GATD1: variants seen among roughly 807,000 people sequenced by gnomAD.
GATD1 encodes glutamine amidotransferase class 1 domain containing 1, also known as glutamine amidotransferase-like class 1 domain-containing protein 1.
A neutral mutation model predicts 25.9 loss-of-function variants in GATD1; 23 were observed. The observed-to-expected ratio is 0.89, with a 90% CI of 0.64 to 1.26. GATD1 has a LOEUF of 1.26. GATD1 is among the 50% of genes most tolerant of loss of function. The pLI is 0.00. For missense variants in GATD1, 347 were observed against 312.5 expected (o/e 1.11, Z -0.83); for synonymous variants, 177 against 134.6 (o/e 1.31, Z -2.18).
In GATD1 at chr11:769,387, C is replaced by G. The variant is rs1374540063; in HGVS notation, c.*1510G>C. 1 of 745,042 alleles carries G rather than the reference C, an allele frequency of 1.3e-6. No individual in the cohort carries two copies. The highest frequency in any genetic ancestry group is 6.3e-5 in the Admixed American group (1 of 15,972). The allele number at this position is 745,042 out of a possible 1,614,324, so 46.2% of individuals were successfully genotyped here. A position where few individuals can be genotyped will look rare whatever the true frequency, so the allele number is the denominator to read the frequency against. ...CCAGGTTGGAGTGCAATGGCGCAATCTTGGCTCACTGCAACTTCCGCCTCC... is the reference window on the plus strand; with the variant it reads ...CCAGGTTGGAGTGCAATGGCGCAATGTTGGCTCACTGCAACTTCCGCCTCC... On this transcript the variant is annotated 3_prime_UTR_variant, in exon 8 of 8. Transcript: ENST00000319863.
Position 771,360 on chromosome 11 carries a change from C to T in GATD1, c.517G>A (p.Val173Met), listed in dbSNP as rs753787894. ...CTGAAGCAGGCGCCCGAATCCTTCA[C>T]GAAGTCCTCCACCACGAGCGGCAGG... is the stretch of plus-strand genomic sequence containing the variant. ...ARLPLVVEDF[V>M]KDSGACFSAS... The change falls in exon 6 of 8, where the codon GTG (valine) becomes ATG (methionine). Residue 173 changes from valine (V) to methionine (M), a missense_variant. Coordinates refer to ENST00000319863, the MANE Select transcript of GATD1 (RefSeq NM_182612.4). The T allele has an allele frequency of 3.5e-5, 56 of 1,595,324 alleles. No homozygotes were observed. Among genetic ancestry groups the T allele is most frequent in the Admixed American group, 3.5e-5 (2 of 57,480 alleles).
In GATD1 at chr11:769,101, C is replaced by CAAAA. The variant is rs1024851610; in HGVS notation, c.*1792_*1795dup. 4.2e-5 allele frequency: 20 copies of CAAAA among 481,658 alleles called. No homozygotes were observed. The highest frequency in any genetic ancestry group is 8.2e-4 in the Middle Eastern group (1 of 1,222). 29.8% of individuals were successfully genotyped at this position (481,658 alleles called of 1,614,324 possible). A position where few individuals can be genotyped will look rare whatever the true frequency, so the allele number is the denominator to read the frequency against. On this transcript the variant is annotated 3_prime_UTR_variant, in exon 8 of 8. Transcript: ENST00000319863. Reference sequence around the variant, plus strand: ...GGGTGACGAGAGACAAACTCCATCTCAAAAAATAAATAAAATAAAAAGCAT... The same window carrying CAAAA: ...GGGTGACGAGAGACAAACTCCATCTCAAAAAAAAAATAAATAAAATAAAAAGCAT...
rs1429188265 is a variant in GATD1, at chr11:768,683, T to C, written c.*2214A>G. ...TAAAATAAAAATAAAAAAGTACTTG[T>C]TAGCCGGACGTGGCGGCTCACGCCT... is the stretch of plus-strand genomic sequence containing the variant. On this transcript the variant is annotated 3_prime_UTR_variant, in exon 8 of 8. Coordinates refer to ENST00000319863, the MANE Select transcript of GATD1 (RefSeq NM_182612.4). The C allele has an allele frequency of 1.3e-5, 2 of 151,988 alleles. No individual in the cohort carries two copies. The highest frequency in any genetic ancestry group is 2.4e-5 in the African/African-American group (1 of 41,368). The allele number at this position is 151,988 out of a possible 1,614,324, so 9.4% of individuals were successfully genotyped here. A position where few individuals can be genotyped will look rare whatever the true frequency, so the allele number is the denominator to read the frequency against.
At chr11:770,950 C>T (rs1425943155) in intron 7 of GATD1, 43 bp downstream of exon 7, 2 of 1,613,326 alleles carry the variant, frequency 1.2e-6, no homozygotes, top group South Asian at 1.1e-5. Context: ...GCACCGGGTG[C>T]AGCTCTGATG....
At position 770,921 on chromosome 11, in the gene GATD1, G is replaced by A; in HGVS notation, c.657-18C>T. On this transcript the variant is annotated intron_variant, in intron 7 of 7. Transcript: ENST00000319863. ...TTCATTTCCTGCAGGACAGACGTGTGGTCAAAGCTTGGGCAAAAGCACCGG... is the reference window on the plus strand; with the variant it reads ...TTCATTTCCTGCAGGACAGACGTGTAGTCAAAGCTTGGGCAAAAGCACCGG... 6.2e-7 allele frequency: 1 copy of A among 1,612,266 alleles called. No individual in the cohort carries two copies. The highest frequency in any genetic ancestry group is 8.5e-7 in the Non-Finnish European group (1 of 1,178,868).
At chr11:771,581 G>T in intron 5 of GATD1, 155 bp from the exon 6 acceptor site, 3 of 1,399,728 alleles carry the variant, frequency 2.1e-6, no homozygotes, top group Non-Finnish European at 2.8e-6. Flanking sequence ...AGGCTGGAGG[G>T]CGGAGAGATG....
Position 771,022 on chromosome 11 carries a change from C to T in GATD1, c.627G>A (p.Val209=), listed in dbSNP as rs947973208. 6.2e-7 allele frequency: 1 copy of T among 1,613,222 alleles called. No individual in the cohort carries two copies. Among genetic ancestry groups the T allele is most frequent in the Non-Finnish European group, 8.5e-7 (1 of 1,179,960 alleles). ...GQNASSTVPA[V]QNLLFLCGSR... ...TGCCACAGAGGAAGAGCAGGTTCTG[C>T]ACGGCCGGGACAGTGGAGCTGGCAT... is the stretch of plus-strand genomic sequence containing the variant. The change falls in exon 7 of 8, where the codon GTG becomes GTA. Residue 209 remains valine (V), a synonymous_variant. Transcript: ENST00000319863.
Position 772,430 on chromosome 11 carries a change from T to A in GATD1, c.447A>T (p.Thr149=), listed in dbSNP as rs752157902. ...RSWVFDSYSL[T]GPSVCELVRA... ...GCCTCGGCCTCCAGACACTCACCCC[T>A]GTCAGGCTGTAGCTGTCGAACACCC... The change falls in exon 5 of 8, where the codon ACA becomes ACT. Residue 149 remains threonine, a synonymous_variant. Transcript: ENST00000319863. The A allele has an allele frequency of 1.9e-6, 3 of 1,612,848 alleles. No homozygotes were observed. The highest frequency in any genetic ancestry group is 3.3e-5 in the Admixed American group (2 of 60,000).
Position 777,392 on chromosome 11 carries a change from G to A in GATD1, c.64+7C>T. 2.3e-6 allele frequency: 3 copies of A among 1,297,878 alleles called. No individual in the cohort carries two copies. The highest frequency in any genetic ancestry group is 3.6e-5 in the Admixed American group (1 of 27,524). 80.4% of individuals were successfully genotyped at this position (1,297,878 alleles called of 1,614,324 possible). A position where few individuals can be genotyped will look rare whatever the true frequency, so the allele number is the denominator to read the frequency against. ...TTCGGACACTGGCCCCGGCCGCCGG[G>A]CCTCACCTTCGGCGGCGCCGCTGGC... On this transcript the variant is annotated splice_region_variant and intron_variant, in intron 1 of 7. Transcript: ENST00000319863.
Position 771,099 on chromosome 11 carries a change from C to G in GATD1, c.550G>C (p.Glu184Gln), listed in dbSNP as rs200809093. ...AGCACGACGTGGACAGCGTCAGGCT[C>G]GCTTGCTGGGGAGGACCGAGGGCAC... ...KDSGACFSAS[E>Q]PDAVHVVLDR... Residue 184 changes from glutamate to glutamine, a missense_variant, in exon 7 of 8, where the codon GAG (glutamate) becomes CAG (glutamine). Physicochemically the swap from Glu to Gln is conservative, Grantham distance 29. Coordinates refer to ENST00000319863, the MANE Select transcript of GATD1 (RefSeq NM_182612.4). 1.3e-6 allele frequency: 2 copies of G among 1,597,878 alleles called. No homozygotes were observed. The highest frequency in any genetic ancestry group is 1.7e-6 in the Non-Finnish European group (2 of 1,174,262).
In GATD1 at chr11:769,928, T is replaced by G; in HGVS notation, c.*969A>C. The G allele has an allele frequency of 1.0e-6, 1 of 995,182 alleles. No individual in the cohort carries two copies. The highest frequency in any genetic ancestry group is 1.0e-4 in the East Asian group (1 of 9,542). The allele number at this position is 995,182 out of a possible 1,614,324, so 61.6% of individuals were successfully genotyped here. A position where few individuals can be genotyped will look rare whatever the true frequency, so the allele number is the denominator to read the frequency against. The stretch of plus-strand genomic sequence containing the variant: ...ACTGCGCCCGGCCCAACTGAACGGT[T>G]TTATAATCACAAGGGGCCTCCTGGC... On this transcript the variant is annotated 3_prime_UTR_variant, in exon 8 of 8. Coordinates refer to ENST00000319863, the MANE Select transcript of GATD1 (RefSeq NM_182612.4).
At chr11:775,221 G>A (rs1863844966) in intron 1 of GATD1, 79 bp from the exon 2 acceptor site, 1 of 1,204,980 alleles carries the variant, frequency 8.3e-7, no homozygotes. Context: ...CACCCCCATG[G>A]CCTCGACTGA....
At chr11:776,146 C>A (rs2133653656) in intron 1 of GATD1, among the ~76,000 whole-genome samples, 1 of 151,994 alleles carries the variant, frequency 6.6e-6, no homozygotes, top group East Asian at 1.9e-4. Context: ...CCACGCCCAG[C>A]TAATTTTTGT....
rs750609502 is a variant in GATD1 at position 772,439 on chromosome 11, G to A, written c.438C>T (p.Tyr146=). ...TCCAGACACTCACCCCTGTCAGGCT[G>A]TAGCTGTCGAACACCCAGGATCTGT... is the stretch of plus-strand genomic sequence containing the variant. The part of the protein sequence containing the change: ...NEDRSWVFDS[Y]SLTGPSVCEL... The change falls in exon 5 of 8, where the codon TAC becomes TAT. Residue 146 remains tyrosine, a synonymous_variant. Coordinates refer to ENST00000319863, the MANE Select transcript of GATD1 (RefSeq NM_182612.4). The A allele has an allele frequency of 8.1e-6, 13 of 1,613,408 alleles. No individual in the cohort carries two copies. The South Asian group carries it at 8.8e-5, about 11-fold the overall frequency.
rs1863103944 is a variant in GATD1 at position 767,299 on chromosome 11, C to T, written c.*3598G>A. The T allele has an allele frequency of 3.3e-6, 5 of 1,536,222 alleles. No individual in the cohort carries two copies. The highest frequency in any genetic ancestry group is 8.7e-7 in the Non-Finnish European group (1 of 1,146,936). ...GTATATGGGGAAATCCTCACCCGCCCTCCGCTGCTCTTCTGGAGGTCTGTC... is the reference window on the plus strand; with the variant it reads ...GTATATGGGGAAATCCTCACCCGCCTTCCGCTGCTCTTCTGGAGGTCTGTC... On this transcript the variant is annotated 3_prime_UTR_variant, in exon 8 of 8. Coordinates refer to ENST00000319863, the MANE Select transcript of GATD1 (RefSeq NM_182612.4).
intron 2 of GATD1, among the ~76,000 whole-genome samples, chr11:774,386 C>T (rs1863759043): frequency 6.6e-6 from 1 of 152,230 alleles, no homozygotes; most frequent in African/African-American, 2.4e-5. Flanking sequence ...ATAATGCATC[C>T]TTACTATGAC....
At chr11:771,239 G>A in intron 6 of GATD1, 94 bp downstream of exon 6, 8 of 1,551,106 alleles carry the variant, frequency 5.2e-6, no homozygotes, top group Non-Finnish European at 7.0e-6. Flanking sequence ...GGGGTCTATA[G>A]AACCCAGGGC....
Position 769,267 on chromosome 11 carries a change from G to A in GATD1, c.*1630C>T, listed in dbSNP as rs1863231591. The A allele has an allele frequency of 2.0e-6, 2 of 985,332 alleles. No individual in the cohort carries two copies. The highest frequency in any genetic ancestry group is 1.2e-6 in the Non-Finnish European group (1 of 829,958). The allele number at this position is 985,332 out of a possible 1,614,324, so 61.0% of individuals were successfully genotyped here. A position where few individuals can be genotyped will look rare whatever the true frequency, so the allele number is the denominator to read the frequency against. On this transcript the variant is annotated 3_prime_UTR_variant, in exon 8 of 8. Coordinates refer to ENST00000319863, the MANE Select transcript of GATD1 (RefSeq NM_182612.4). ...CAGCCTTCAGGGCGGGGATGTGGCT[G>A]CAGCGCTTCCTTCTTCCACTTTTTT... is the stretch of plus-strand genomic sequence containing the variant.
rs371934103 is a variant in GATD1, at chr11:773,994, G to A, written c.247+14C>T. 1.9e-6 allele frequency: 3 copies of A among 1,612,106 alleles called. No individual in the cohort carries two copies. The highest frequency in any genetic ancestry group is 2.2e-5 in the East Asian group (1 of 44,872). On this transcript the variant is annotated intron_variant, in intron 3 of 7. Transcript: ENST00000319863. The stretch of plus-strand genomic sequence containing the variant: ...CCAGGCACCCCACCCCCAAGGAGTG[G>A]GTCCCGGGCCTACCATCGATGGACT...
Sources: gnomAD v4.1 joint callset for allele counts (sites outside exome capture counted in the v4.1 genomes callset) on GRCh38, gnomAD v4.1.1 for gene constraint, MANE v1.5 for transcripts, NCBI Gene and HGNC (gene_info 2026-07-23, HGNC 2026-07-21) for gene names.